The following STK39 variants were observed in gnomAD, a reference collection of about 807,000 sequenced individuals.
The protein encoded by STK39 is STE20/SPS1-related proline-alanine-rich protein kinase.
In STK39, 20 loss-of-function variants were observed where a neutral mutation model predicts 77.8. The observed-to-expected ratio is 0.26, with a 90% CI of 0.18 to 0.37. STK39 has a LOEUF of 0.37. Among genes scored for constraint, STK39 ranks in the 10% least tolerant of loss-of-function variants. The probability of loss-of-function intolerance (pLI) is 1.00; values close to 1 mark genes in which losing one functional copy is unlikely to be tolerated. For missense variants in STK39, 479 were observed against 656.5 expected (o/e 0.73, Z 2.95); for synonymous variants, 246 against 234.1 (o/e 1.05, Z -0.47).
chr2:167,983,945 G>A (rs1683494870), intron 16 of STK39, among the ~76,000 whole-genome samples: 2 of 152,084 alleles, frequency 1.3e-5, no homozygotes, highest in Admixed American at 1.3e-4. Flanking sequence ...ATTTTATCAC[G>A]AGAAAGCTTG....
intron 1 of STK39, among the ~76,000 whole-genome samples, chr2:168,244,474 G>T (rs1690848852): frequency 6.6e-6 from 1 of 152,144 alleles, no homozygotes; most frequent in African/African-American, 2.4e-5. Flanking sequence ...TCACACTGCT[G>T]GAGTCATATC....
At chr2:168,155,225 C>T (rs190276317) in intron 5 of STK39, among the ~76,000 whole-genome samples, 1 of 152,296 alleles carries the variant, frequency 6.6e-6, no homozygotes, top group East Asian at 1.9e-4. Context: ...TTTCCTTAAG[C>T]TGTTGCTCAA....
chr2:168,138,647 A>G (rs959268438), intron 7 of STK39, among the ~76,000 whole-genome samples: 3 of 152,222 alleles, frequency 2.0e-5, no homozygotes, highest in Non-Finnish European at 4.4e-5. Flanking sequence ...GGCTTCTGTA[A>G]CACATTACTA....
intron 10 of STK39, among the ~76,000 whole-genome samples, chr2:168,100,483 C>T (rs1321434160): frequency 1.3e-5 from 2 of 152,102 alleles, no homozygotes; most frequent in Non-Finnish European, 2.9e-5. Context: ...AGGCTGGTCT[C>T]GAACTCCTGG....
intron 10 of STK39, among the ~76,000 whole-genome samples, chr2:168,114,556 G>T (rs911839027): frequency 6.6e-6 from 1 of 151,978 alleles, no homozygotes; most frequent in Non-Finnish European, 1.5e-5. Context: ...GATTACATGA[G>T]GTTCAAAACC....
chr2:168,239,174 G>A (rs1379366802), intron 1 of STK39, among the ~76,000 whole-genome samples: 1 of 152,144 alleles, frequency 6.6e-6, no homozygotes, highest in African/African-American at 2.4e-5. Context: ...ATCGTCTCCA[G>A]CAGCCCTGAT....
intron 2 of STK39, among the ~76,000 whole-genome samples, chr2:168,176,791 CA>C (rs752103518): frequency 8.5e-5 from 13 of 152,070 alleles, no homozygotes; most frequent in Middle Eastern, 3.4e-3. Context: ...ACTGTGTACC[CA>C]AATCTATGAA....
intron 14 of STK39, among the ~76,000 whole-genome samples, chr2:168,060,051 G>A (rs1041644958): frequency 3.3e-5 from 5 of 151,874 alleles, no homozygotes; most frequent in Non-Finnish European, 5.9e-5. Flanking sequence ...TTTAGAACAC[G>A]GTGATCACAA....
chr2:167,966,508 T>C (rs184208860), intron 16 of STK39, among the ~76,000 whole-genome samples: 1 of 152,374 alleles, frequency 6.6e-6, no homozygotes, highest in East Asian at 1.9e-4. Flanking sequence ...TTAATGTGGA[T>C]GATTTACTGC....
chr2:168,009,270 G>A lies in STK39; in HGVS notation c.1498+3364C>T, dbSNP rs189633767. On this transcript the variant is annotated intron_variant, in intron 16 of 17. Transcript: ENST00000355999. ...GACATATCTAGTAAAGAGGGAAATA[G>A]ATGAGGAGGGAGGGAGTAGAGATTT... Among the ~76,000 whole-genome samples, 416 of 152,246 alleles carry A rather than the reference G, an allele frequency of 2.7e-3. 2 individuals carry two copies. The highest frequency in any genetic ancestry group is 9.4e-3 in the African/African-American group (390 of 41,536).
At chr2:168,012,477 A>G (rs1336335243) in intron 16 of STK39, among the ~76,000 whole-genome samples, 157 bp downstream of exon 16, 1 of 152,194 alleles carries the variant, frequency 6.6e-6, no homozygotes, top group African/African-American at 2.4e-5. Flanking sequence ...CCGTCCAAAT[A>G]TGATTCTTAA....
chr2:168,018,091 T>C (rs1454193477), intron 14 of STK39, among the ~76,000 whole-genome samples: 1 of 152,162 alleles, frequency 6.6e-6, no homozygotes, highest in African/African-American at 2.4e-5. Context: ...TTTTAAGAAA[T>C]GATAATAAGG....
chr2:168,151,851 A>T (rs1688296228), intron 5 of STK39, among the ~76,000 whole-genome samples: 1 of 152,200 alleles, frequency 6.6e-6, no homozygotes, highest in Non-Finnish European at 1.5e-5. Flanking sequence ...CTTAAAAGGG[A>T]CAAAAAGAAT....
intron 12 of STK39, among the ~76,000 whole-genome samples, chr2:168,067,143 A>C (rs910264182): frequency 6.6e-6 from 1 of 152,158 alleles, no homozygotes; most frequent in Non-Finnish European, 1.5e-5. Flanking sequence ...AATCACTGGA[A>C]CCCAGAAGGC....
intron 16 of STK39, among the ~76,000 whole-genome samples, chr2:167,970,309 T>G (rs574600210): frequency 1.1e-4 from 16 of 152,342 alleles, no homozygotes; most frequent in Admixed American, 8.5e-4. Context: ...AGGAACTGTT[T>G]TGTTCACTAC....
At chr2:168,183,069 G>A (rs1443287553) in intron 1 of STK39, among the ~76,000 whole-genome samples, 1 of 152,178 alleles carries the variant, frequency 6.6e-6, no homozygotes, top group African/African-American at 2.4e-5. Context: ...AGAGAGATCA[G>A]TATTAGCCTT....
At chr2:168,002,455 T>C (rs141618502) in intron 16 of STK39, among the ~76,000 whole-genome samples, 392 of 152,340 alleles carry the variant, frequency 2.6e-3, no homozygotes, top group Admixed American at 4.0e-3. Flanking sequence ...AACATTTCCC[T>C]GGAGAGCTGG....
chr2:168,062,896 T>G (rs1443188665), intron 14 of STK39, among the ~76,000 whole-genome samples: 1 of 152,014 alleles, frequency 6.6e-6, no homozygotes, highest in Non-Finnish European at 1.5e-5. Flanking sequence ...GCAAAGAACA[T>G]CACAAAGATG....
intron 16 of STK39, among the ~76,000 whole-genome samples, chr2:167,975,411 G>A (rs1265498192): frequency 6.6e-6 from 1 of 152,044 alleles, no homozygotes; most frequent in Non-Finnish European, 1.5e-5. Flanking sequence ...TCAAGACCAG[G>A]TGTAAGGACT....
Sources: allele counts gnomAD v4.1 joint callset (sites outside exome capture counted in the v4.1 genomes callset), GRCh38; gene constraint gnomAD v4.1.1; transcripts MANE v1.5; gene names NCBI Gene and HGNC (gene_info 2026-07-23, HGNC 2026-07-21).